The following PTCHD4 variants were observed in gnomAD, a reference collection of about 807,000 sequenced individuals.
The protein encoded by PTCHD4 is patched domain containing 4, also known as patched domain-containing protein 4.
PTCHD4 carries 33 observed loss-of-function variants against 58.1 expected under a neutral mutation model. The ratio of observed to expected loss-of-function variants is 0.57; its 90% CI spans 0.43 to 0.76. The LOEUF is 0.76. Ranked by LOEUF, PTCHD4 falls within the 30% of genes least tolerant of loss-of-function variation. PTCHD4 has a pLI of 0.00. For missense variants in PTCHD4, 1,058 were observed against 1,027.1 expected (o/e 1.03, Z -0.41); for synonymous variants, 478 against 409.6 (o/e 1.17, Z -2.02).
rs1414067996 is a variant in PTCHD4, at chr6:47,860,171, T to G, written c.*18132A>C. On this transcript the variant is annotated 3_prime_UTR_variant, in exon 5 of 5. Coordinates refer to ENST00000339488, the MANE Select transcript of PTCHD4 (RefSeq NM_001384253.1). The stretch of plus-strand genomic sequence containing the variant: ...TCTAAAGTATGAATCATGCAATCAT[T>G]TCTTGTGCTTTATTGTGAGTGACTA... Among the ~76,000 whole-genome samples, 2 of 152,036 alleles carry G rather than the reference T, an allele frequency of 1.3e-5. No homozygotes were observed. The highest frequency in any genetic ancestry group is 2.9e-5 in the Non-Finnish European group (2 of 67,972).
intron 1 of PTCHD4, among the ~76,000 whole-genome samples, chr6:48,102,133 T>C (rs1398232020): frequency 2.6e-5 from 4 of 152,166 alleles, no homozygotes; most frequent in Non-Finnish European, 4.4e-5. Context: ...TTACCTCAAA[T>C]CCCATTTCCA....
intron 4 of PTCHD4, among the ~76,000 whole-genome samples, chr6:47,987,525 T>TA (rs35271205): frequency 1.3e-5 from 2 of 151,522 alleles, no homozygotes; most frequent in Admixed American, 6.6e-5. Flanking sequence ...ATGCTTTAGT[T>TA]AAAAAAAATG....
At position 47,858,603 on chromosome 6, in the gene PTCHD4, G is replaced by T. The variant is rs1763351007; in HGVS notation, c.*19700C>A. Among the ~76,000 whole-genome samples the T allele has an allele frequency of 6.6e-6, 1 of 151,944 alleles. No individual in the cohort carries two copies. The highest frequency in any genetic ancestry group is 2.4e-5 in the African/African-American group (1 of 41,414). On this transcript the variant is annotated 3_prime_UTR_variant, in exon 5 of 5. Coordinates refer to ENST00000339488, the MANE Select transcript of PTCHD4 (RefSeq NM_001384253.1). ...CCAACATAAATTATCAATTATTTTG[G>T]AGAGATTCTAATAAGGATAAACTAA...
At chr6:48,028,052 G>A (rs774909867) in intron 3 of PTCHD4, among the ~76,000 whole-genome samples, 8 of 151,798 alleles carry the variant, frequency 5.3e-5, no homozygotes, top group Non-Finnish European at 8.8e-5. Context: ...AGTGATTCTC[G>A]TGCCTCAGCC....
intron 3 of PTCHD4, among the ~76,000 whole-genome samples, chr6:48,066,088 A>G (rs968347415): frequency 6.7e-6 from 1 of 149,942 alleles, no homozygotes; most frequent in Admixed American, 6.7e-5. Context: ...GGGTGAGGAC[A>G]CTGACATCTA....
chr6:48,102,948 T>C (rs976720799), intron 1 of PTCHD4, among the ~76,000 whole-genome samples: 53 of 152,200 alleles, frequency 3.5e-4, no homozygotes, highest in African/African-American at 1.3e-3. Flanking sequence ...GTAAACAAAG[T>C]GGCCAGGAAG....
chr6:48,035,485 G>T (rs764422640), intron 3 of PTCHD4, among the ~76,000 whole-genome samples: 1 of 152,056 alleles, frequency 6.6e-6, no homozygotes, highest in Non-Finnish European at 1.5e-5. Context: ...CAGAAAAAGG[G>T]GATAGGGCCT....
intron 1 of PTCHD4, among the ~76,000 whole-genome samples, chr6:48,072,108 G>C (rs974545327): frequency 6.6e-6 from 1 of 152,052 alleles, no homozygotes; most frequent in Admixed American, 6.6e-5. Context: ...TCTGTACTGT[G>C]TTTTTTTGGA....
rs981670056 is a variant in PTCHD4 at position 47,866,224 on chromosome 6, T to A, written c.*12079A>T. ...CTTAATAAAAGGCTCTATCAGTATT[T>A]ATTGGATTAAATGTGTTGACTTGGT... On this transcript the variant is annotated 3_prime_UTR_variant, in exon 5 of 5. Transcript: ENST00000339488. Among the ~76,000 whole-genome samples the A allele has an allele frequency of 1.3e-5, 2 of 151,914 alleles. No homozygotes were observed. The highest frequency in any genetic ancestry group is 2.9e-5 in the Non-Finnish European group (2 of 67,886).
chr6:48,070,785 C>T (rs937978546), intron 1 of PTCHD4, among the ~76,000 whole-genome samples: 14 of 152,292 alleles, frequency 9.2e-5, no homozygotes, highest in African/African-American at 3.4e-4. Context: ...ATGCCACTGT[C>T]AGATCTTTTT....
chr6:47,885,933 C>T (rs950786171), intron 4 of PTCHD4, among the ~76,000 whole-genome samples: 16 of 152,232 alleles, frequency 1.1e-4, no homozygotes, highest in African/African-American at 3.9e-4. Flanking sequence ...ATTCTCCAGC[C>T]TTAGCCTCCT....
chr6:47,939,651 C>G (rs1052137725), intron 4 of PTCHD4, among the ~76,000 whole-genome samples: 1 of 152,030 alleles, frequency 6.6e-6, no homozygotes, highest in Non-Finnish European at 1.5e-5. Flanking sequence ...AGTTGGTTAC[C>G]TTTGTGTATC....
chr6:48,024,331 T>C (rs1763168815), intron 3 of PTCHD4, among the ~76,000 whole-genome samples: 1 of 152,260 alleles, frequency 6.6e-6, no homozygotes, highest in Admixed American at 6.5e-5. Flanking sequence ...TGTATTTAGC[T>C]AAAATGAACG....
intron 3 of PTCHD4, among the ~76,000 whole-genome samples, chr6:48,040,029 T>C (rs1232352846): frequency 2.6e-5 from 4 of 152,110 alleles, no homozygotes; most frequent in Non-Finnish European, 4.4e-5. Context: ...CTCAAGGTTA[T>C]GCTGATGCTG....
At chr6:48,046,548 A>G (rs753025148) in intron 3 of PTCHD4, among the ~76,000 whole-genome samples, 2 of 151,812 alleles carry the variant, frequency 1.3e-5, no homozygotes, top group South Asian at 2.1e-4. Flanking sequence ...TGTATTATCT[A>G]TATTACTTCC....
At chr6:48,100,691 C>G (rs148766878) in intron 1 of PTCHD4, among the ~76,000 whole-genome samples, 1 of 152,332 alleles carries the variant, frequency 6.6e-6, no homozygotes, top group East Asian at 1.9e-4. Flanking sequence ...AGAGATTACT[C>G]TGATGCTATT....
At chr6:48,026,868 T>C (rs895932948) in intron 3 of PTCHD4, among the ~76,000 whole-genome samples, 1 of 151,806 alleles carries the variant, frequency 6.6e-6, no homozygotes, top group Non-Finnish European at 1.5e-5. Flanking sequence ...TTGATGATTA[T>C]TCGTAAAAAG....
Position 47,873,740 on chromosome 6 carries a change from T to C in PTCHD4, c.*4563A>G, listed in dbSNP as rs9395324. 0.62 allele frequency among the ~76,000 whole-genome samples: 93,296 copies of C among 151,562 alleles called. 29,380 individuals carry two copies. Among genetic ancestry groups the C allele is most frequent in the East Asian group, 0.78 (4,003 of 5,130 alleles). On this transcript the variant is annotated 3_prime_UTR_variant, in exon 5 of 5. Coordinates refer to ENST00000339488, the MANE Select transcript of PTCHD4 (RefSeq NM_001384253.1). ...GATGATGTTCAATTTCATATTGAGA[T>C]TGAAGATGGGGAAATAGCAAGGGCA...
At position 47,865,172 on chromosome 6, in the gene PTCHD4, T is replaced by C. The variant is rs570082823; in HGVS notation, c.*13131A>G. Among the ~76,000 whole-genome samples, 5 of 151,950 alleles carry C rather than the reference T, an allele frequency of 3.3e-5. No homozygotes were observed. The highest frequency in any genetic ancestry group is 1.9e-4 in the East Asian group (1 of 5,154). On this transcript the variant is annotated 3_prime_UTR_variant, in exon 5 of 5. Transcript: ENST00000339488. ...AATACGTGCATGTAGATAAGAGTTA[T>C]ATATACCTGAGTATCCAGTAATTTT...
Sources: allele counts gnomAD v4.1 joint callset (sites outside exome capture counted in the v4.1 genomes callset), GRCh38; gene constraint gnomAD v4.1.1; transcripts MANE v1.5; gene names NCBI Gene and HGNC (gene_info 2026-07-23, HGNC 2026-07-21).